COP1: variants seen among roughly 807,000 people sequenced by gnomAD.
COP1 encodes the protein COP1 E3 ubiquitin ligase.
A neutral mutation model predicts 101.3 loss-of-function variants in COP1; 24 were observed. The ratio of observed to expected loss-of-function variants is 0.24; its 90% CI spans 0.17 to 0.33. COP1 has a LOEUF of 0.33. COP1 is among the 10% of genes least tolerant of loss of function. The pLI is 1.00. For missense variants in COP1, 663 were observed against 906.2 expected (o/e 0.73, Z 3.45); for synonymous variants, 347 against 341.9 (o/e 1.01, Z -0.17).
chr1:176,064,318 T>C (rs1181092235), intron 11 of COP1, among the ~76,000 whole-genome samples: 1 of 152,224 alleles, frequency 6.6e-6, no homozygotes, highest in Non-Finnish European at 1.5e-5. Flanking sequence ...AATATTATTT[T>C]TAAAGGCTAA....
At chr1:176,045,668 G>C (rs1361605181) in intron 12 of COP1, among the ~76,000 whole-genome samples, 7 of 150,816 alleles carry the variant, frequency 4.6e-5, no homozygotes, top group Non-Finnish European at 8.9e-5. Flanking sequence ...CATACTGTTA[G>C]TGTTTAAGAG....
intron 1 of COP1, among the ~76,000 whole-genome samples, chr1:176,203,880 G>A (rs1043023843): frequency 6.6e-6 from 1 of 152,160 alleles, no homozygotes; most frequent in Non-Finnish European, 1.5e-5. Flanking sequence ...TTCTCAAGGA[G>A]GGGAGAAGGA....
chr1:176,094,468 T>C (rs1681961929), intron 9 of COP1, among the ~76,000 whole-genome samples: 1 of 151,924 alleles, frequency 6.6e-6, no homozygotes, highest in South Asian at 2.1e-4. Flanking sequence ...AAGGCCAATC[T>C]TCAAATAAAA....
At chr1:176,196,871 T>C (rs1294960617) in intron 1 of COP1, among the ~76,000 whole-genome samples, 7 of 144,830 alleles carry the variant, frequency 4.8e-5, no homozygotes, top group Non-Finnish European at 9.0e-5. Flanking sequence ...GTGAGACTCC[T>C]GTCTCTACGC....
chr1:176,082,538 A>T (rs2149404768), intron 10 of COP1, among the ~76,000 whole-genome samples: 1 of 152,250 alleles, frequency 6.6e-6, no homozygotes, highest in African/African-American at 2.4e-5. Context: ...CGGGTGCAGC[A>T]GCTCACACCT....
chr1:176,094,871 G>T (rs913667230), intron 9 of COP1, among the ~76,000 whole-genome samples: 1 of 152,068 alleles, frequency 6.6e-6, no homozygotes, highest in Non-Finnish European at 1.5e-5. Context: ...AAGCAAAACT[G>T]AATATTCTAT....
chr1:176,143,363 T>A (rs1010338174), intron 6 of COP1, among the ~76,000 whole-genome samples: 1 of 152,264 alleles, frequency 6.6e-6, no homozygotes, highest in African/African-American at 2.4e-5. Context: ...ACAGATTCAA[T>A]AACTTAAAAC....
At chr1:176,131,640 C>A (rs539940460) in intron 8 of COP1, among the ~76,000 whole-genome samples, 2 of 151,696 alleles carry the variant, frequency 1.3e-5, no homozygotes, top group South Asian at 2.1e-4. Context: ...GCTAATAATT[C>A]TGAAAGAAAA....
intron 9 of COP1, among the ~76,000 whole-genome samples, chr1:176,086,233 T>TC (rs1680126066): frequency 6.7e-6 from 1 of 149,750 alleles, no homozygotes; most frequent in Admixed American, 6.6e-5. Context: ...CTTTCTTTTT[T>TC]TTTTTTTTTT....
At chr1:176,068,034 T>C (rs1240913233) in intron 11 of COP1, among the ~76,000 whole-genome samples, 1 of 152,168 alleles carries the variant, frequency 6.6e-6, no homozygotes, top group South Asian at 2.1e-4. Context: ...ACCACTCTGG[T>C]GGGGAATGTT....
chr1:176,143,401 T>C (rs534495585), intron 6 of COP1, among the ~76,000 whole-genome samples: 1 of 152,284 alleles, frequency 6.6e-6, no homozygotes, highest in Non-Finnish European at 1.5e-5. Flanking sequence ...AGGTCTAGAC[T>C]GCTTCTCCAG....
chr1:176,019,747 G>A (rs1666393056), intron 15 of COP1, among the ~76,000 whole-genome samples: 2 of 151,744 alleles, frequency 1.3e-5, no homozygotes, highest in Non-Finnish European at 2.9e-5. Flanking sequence ...TGTAGTCTCA[G>A]CTACTTGGGA....
chr1:175,996,932 C>T (rs1019011189), intron 15 of COP1, among the ~76,000 whole-genome samples: 2 of 151,760 alleles, frequency 1.3e-5, no homozygotes, highest in African/African-American at 4.8e-5. Context: ...AAAGAGCCCA[C>T]ATCGCCAAGT....
intron 3 of COP1, among the ~76,000 whole-genome samples, chr1:176,169,007 G>C (rs1572652253): frequency 6.6e-6 from 1 of 152,010 alleles, no homozygotes; most frequent in Admixed American, 6.5e-5. Flanking sequence ...CTTGTTAATA[G>C]GGCATCTAAA....
chr1:175,999,663 T>A (rs1175625536), intron 15 of COP1, among the ~76,000 whole-genome samples: 1 of 152,060 alleles, frequency 6.6e-6, no homozygotes, highest in Non-Finnish European at 1.5e-5. Context: ...TAGCTCTAGT[T>A]TTAATTTTTT....
At chr1:175,967,259 G>A (rs1390965511) in intron 18 of COP1, among the ~76,000 whole-genome samples, 3 of 152,120 alleles carry the variant, frequency 2.0e-5, no homozygotes, top group Non-Finnish European at 2.9e-5. Context: ...TGATCCACCC[G>A]CCTCAGCCTC....
At chr1:176,020,325 A>C (rs575544869) in intron 15 of COP1, among the ~76,000 whole-genome samples, 12 of 151,822 alleles carry the variant, frequency 7.9e-5, no homozygotes, top group Middle Eastern at 6.8e-3. Flanking sequence ...AAAAAAAAAA[A>C]AAAAAACCTT....
chr1:176,008,164 C>T (rs965872533), intron 15 of COP1, among the ~76,000 whole-genome samples: 5 of 152,212 alleles, frequency 3.3e-5, no homozygotes, highest in Admixed American at 6.5e-5. Flanking sequence ...TGACCCCTTG[C>T]GCTTCCCAAG....
intron 15 of COP1, among the ~76,000 whole-genome samples, chr1:175,997,297 A>G (rs1660413125): frequency 6.6e-6 from 1 of 152,348 alleles, no homozygotes; most frequent in East Asian, 1.9e-4. Context: ...AAAAAACCCT[A>G]GAAGAAAACC....
Sources: allele counts gnomAD v4.1 joint callset (sites outside exome capture counted in the v4.1 genomes callset), GRCh38; gene constraint gnomAD v4.1.1; transcripts MANE v1.5; gene names NCBI Gene and HGNC (gene_info 2026-07-23, HGNC 2026-07-21).